The following NF2 variants were observed in gnomAD, a reference collection of about 807,000 sequenced individuals.
NF2 encodes the protein NF2, moesin-ezrin-radixin like (MERLIN) tumor suppressor.
NF2 carries 8 observed loss-of-function variants against 83.7 expected under a neutral mutation model. The observed-to-expected ratio is 0.10, with a 90% CI of 0.06 to 0.17. The LOEUF (loss-of-function observed/expected upper bound fraction) is 0.17, where lower values mean the gene tolerates loss of function less well. NF2 is among the 10% of genes least tolerant of loss of function. NF2 has a pLI of 1.00. For missense variants in NF2, 533 were observed against 744.4 expected, an observed-to-expected ratio of 0.72 and a Z score of 3.31; for synonymous variants, 266 against 269.6, an observed-to-expected ratio of 0.99 and a Z score of 0.13.
At chr22:29,693,190 C>T (rs1006438125) in intron 15 of NF2, among the ~76,000 whole-genome samples, 79 of 152,352 alleles carry the variant, frequency 5.2e-4, no homozygotes, top group African/African-American at 1.9e-3. Context: ...ACTCCTGGCC[C>T]TTCTCCTCTG....
intron 1 of NF2, among the ~76,000 whole-genome samples, chr22:29,628,384 A>G (rs954728743): frequency 2.0e-5 from 3 of 152,146 alleles, no homozygotes; most frequent in African/African-American, 7.2e-5. Context: ...GAAGCACATA[A>G]GTTTGCTGAC....
At chr22:29,605,799 A>G (rs2064778084) in intron 1 of NF2, among the ~76,000 whole-genome samples, 1 of 152,186 alleles carries the variant, frequency 6.6e-6, no homozygotes, top group Non-Finnish European at 1.5e-5. Flanking sequence ...CTTCTACTCC[A>G]GACTATTGCA....
Position 29,671,879 on chromosome 22 carries a change from C to T in NF2, c.1053C>T (p.Arg351=), listed in dbSNP as rs1179494821. 3 of 1,613,968 alleles carry T rather than the reference C, an allele frequency of 1.9e-6. No individual in the cohort carries two copies. In the African/African-American group the frequency reaches 4.0e-5, roughly 22 times the overall value. The change falls in exon 11 of 16, where the codon CGC becomes CGT. Residue 351 remains arginine (R), a synonymous_variant. Transcript: ENST00000338641. ...AGCAGATGAGGGAGGAGGCTGAACG[C>T]ACGAGGGATGAGTTGGAGAGGAGGC... is the stretch of plus-strand genomic sequence containing the variant. ...REKQMREEAE[R]TRDELERRLL...
intron 10 of NF2, among the ~76,000 whole-genome samples, chr22:29,668,677 C>T (rs887653916): frequency 3.3e-5 from 5 of 152,234 alleles, no homozygotes; most frequent in African/African-American, 4.8e-5. Flanking sequence ...GTAATTTCTA[C>T]GCTTGGAGAA....
At chr22:29,656,407 CTTTTTTTT>C (rs59440855) in intron 6 of NF2, among the ~76,000 whole-genome samples, 2 of 81,706 alleles carry the variant, frequency 2.4e-5, no homozygotes, top group Non-Finnish European at 4.5e-5. Context: ...GGGATATATT[CTTTTTTTT>C]TTTTTTTTTT....
At chr22:29,653,256 C>T (rs765223567) in intron 4 of NF2, among the ~76,000 whole-genome samples, 10 of 152,012 alleles carry the variant, frequency 6.6e-5, no homozygotes, top group Admixed American at 1.3e-4. Flanking sequence ...CCAGCCTGGC[C>T]AACATGGTGA....
intron 15 of NF2, among the ~76,000 whole-genome samples, chr22:29,690,232 A>G (rs888955423): frequency 2.6e-5 from 4 of 152,176 alleles, no homozygotes; most frequent in African/African-American, 7.2e-5. Flanking sequence ...TGGGTTAGAG[A>G]GTGCCGGCTG....
In NF2 at chr22:29,697,566, CTTTT is replaced by C. The variant is rs113760386; in HGVS notation, c.*2777_*2780del. On this transcript the variant is annotated 3_prime_UTR_variant, in exon 16 of 16. Transcript: ENST00000338641. ...TTCCTGTGGCTGGGATGACTGCATC[CTTTT>C]TTTTTTTTTTTTGAGACGGAGTTTT... 3.0e-4 allele frequency: 48 copies of C among 158,760 alleles called. No homozygotes were observed. Among genetic ancestry groups the C allele is most frequent in the East Asian group, 1.0e-3 (9 of 8,912 alleles). The allele number at this position is 158,760 out of a possible 1,614,324, so 9.8% of individuals were successfully genotyped here. A position where few individuals can be genotyped will look rare whatever the true frequency, so the allele number is the denominator to read the frequency against.
chr22:29,683,358 G>A (rs1375402341), intron 15 of NF2: 1 of 1,378,030 alleles, frequency 7.3e-7, no homozygotes, highest in South Asian at 1.5e-5. Flanking sequence ...GGAAGGTTAT[G>A]GCTTCTTGTC....
chr22:29,647,075 C>T (rs2066004336), intron 4 of NF2, among the ~76,000 whole-genome samples: 1 of 150,430 alleles, frequency 6.6e-6, no homozygotes, highest in Non-Finnish European at 1.5e-5. Flanking sequence ...TTTTTTGGTG[C>T]AGTCACATGA....
At chr22:29,630,368 A>C (rs2065475443) in intron 1 of NF2, among the ~76,000 whole-genome samples, 1 of 152,230 alleles carries the variant, frequency 6.6e-6, no homozygotes, top group Admixed American at 6.5e-5. Context: ...AAGCTCATAA[A>C]TCCAGCTCCT....
At chr22:29,655,824 A>G (rs1453867366) in intron 6 of NF2, 148 bp downstream of exon 6, 2 of 697,234 alleles carry the variant, frequency 2.9e-6, no homozygotes, top group Non-Finnish European at 5.0e-6. Flanking sequence ...GGGAGCTGGG[A>G]GTAACGTTGG....
At chr22:29,646,106 G>T (rs1283978566) in intron 4 of NF2, among the ~76,000 whole-genome samples, 2 of 152,140 alleles carry the variant, frequency 1.3e-5, no homozygotes, top group African/African-American at 4.8e-5. Flanking sequence ...CAATACAAAT[G>T]AATATTTTGT....
In NF2 at chr22:29,696,642, C is replaced by T. The variant is rs2067559560; in HGVS notation, c.*1840C>T. ...TCACCTTGCCCCAAGGAAACCAGCC[C>T]TGGGTGCCACCCAGCCACTTAGGGT... On this transcript the variant is annotated 3_prime_UTR_variant, in exon 16 of 16. Transcript: ENST00000338641. The T allele has an allele frequency of 1.4e-5, 3 of 215,748 alleles. No homozygotes were observed. The highest frequency in any genetic ancestry group is 5.8e-5 in the Admixed American group (1 of 17,232). 13.4% of individuals were successfully genotyped at this position (215,748 alleles called of 1,614,324 possible). A position where few individuals can be genotyped will look rare whatever the true frequency, so the allele number is the denominator to read the frequency against.
At chr22:29,637,848 A>G (rs948895668) in intron 2 of NF2, among the ~76,000 whole-genome samples, 2 of 152,220 alleles carry the variant, frequency 1.3e-5, no homozygotes, top group African/African-American at 2.4e-5. Context: ...ACTGGGGGCC[A>G]CTGTCAGTGA....
At chr22:29,652,657 C>A (rs961954091) in intron 4 of NF2, among the ~76,000 whole-genome samples, 1 of 152,122 alleles carries the variant, frequency 6.6e-6, no homozygotes, top group African/African-American at 2.4e-5. Context: ...CTGTAAGAGT[C>A]CTGCAAGATA....
chr22:29,603,637 C>G lies in NF2; in HGVS notation c.-362C>G. On this transcript the variant is annotated 5_prime_UTR_variant, in exon 1 of 16. Coordinates refer to ENST00000338641, the MANE Select transcript of NF2 (RefSeq NM_000268.4). ...CGCCCGATGCAGCGCGGCCCCGTGA[C>G]CCTAGTCGGCCGCTGAGAGGCGCGC... The G allele has an allele frequency of 2.5e-6, 1 of 407,704 alleles. No homozygotes were observed. The highest frequency in any genetic ancestry group is 4.3e-6 in the Non-Finnish European group (1 of 231,952). The allele number at this position is 407,704 out of a possible 1,614,324, so 25.3% of individuals were successfully genotyped here. A position where few individuals can be genotyped will look rare whatever the true frequency, so the allele number is the denominator to read the frequency against.
At chr22:29,683,286 A>G in intron 15 of NF2, 1 of 1,454,286 alleles carries the variant, frequency 6.9e-7, no homozygotes, top group Non-Finnish European at 9.0e-7. Context: ...CTCGTTCCGA[A>G]GAGCATGTCA....
At chr22:29,614,308 T>G (rs896039710) in intron 1 of NF2, among the ~76,000 whole-genome samples, 1 of 150,254 alleles carries the variant, frequency 6.7e-6, no homozygotes, top group South Asian at 2.1e-4. Flanking sequence ...CCGGGTGCGG[T>G]GGCTCAACAC....
Sources: gnomAD v4.1 joint callset for allele counts (sites outside exome capture counted in the v4.1 genomes callset) on GRCh38, gnomAD v4.1.1 for gene constraint, MANE v1.5 for transcripts, NCBI Gene and HGNC (gene_info 2026-07-23, HGNC 2026-07-21) for gene names.